WWP2: variants seen among roughly 807,000 people sequenced by gnomAD.
The protein encoded by WWP2 is NEDD4-like E3 ubiquitin-protein ligase WWP2.
In WWP2, 57 loss-of-function variants were observed where a neutral mutation model predicts 121.0. The observed-to-expected ratio is 0.47, with a 90% CI of 0.38 to 0.59. The LOEUF is 0.59. WWP2 is among the 20% of genes least tolerant of loss of function. The pLI is 0.00. For synonymous variants in WWP2, 449 were observed against 441.3 expected (o/e 1.02, Z -0.22); for missense variants, 962 against 1,158.9 (o/e 0.83, Z 2.47).
chr16:69,813,922 AT>A lies in WWP2; in HGVS notation c.340+14630del, dbSNP rs2056443078. 2.0e-5 allele frequency among the ~76,000 whole-genome samples: 3 copies of A among 152,232 alleles called. No homozygotes were observed. In the South Asian group the frequency reaches 6.2e-4, roughly 31 times the overall value. ...AAATTTACTATGTGATAAAGATGGC[AT>A]TTAAAATCAGAAGAGAAAGGCAAAC... is the stretch of plus-strand genomic sequence containing the variant. On this transcript the variant is annotated intron_variant, in intron 4 of 23. Coordinates refer to ENST00000359154, the MANE Select transcript of WWP2 (RefSeq NM_001270454.2).
chr16:69,929,830 C>T (rs892729489), intron 12 of WWP2, among the ~76,000 whole-genome samples: 9 of 152,180 alleles, frequency 5.9e-5, no homozygotes, highest in Admixed American at 1.3e-4. Flanking sequence ...TTGAGGGCAT[C>T]CTGGTCTCCC....
In WWP2 at chr16:69,804,629, A is replaced by C. The variant is rs534583277; in HGVS notation, c.340+5334A>C. 1.2e-4 allele frequency among the ~76,000 whole-genome samples: 19 copies of C among 152,038 alleles called. 1 individual carries two copies. In the East Asian group the frequency reaches 2.9e-3, roughly 23 times the overall value. On this transcript the variant is annotated intron_variant, in intron 4 of 23. Coordinates refer to ENST00000359154, the MANE Select transcript of WWP2 (RefSeq NM_001270454.2). ...GCAGTTAAGTTTCTCTTTTTTTTCA[A>C]AGTCTTCATGCTTCTTTTCTTTGCA...
chr16:69,910,399 G>A (rs1597147151), intron 9 of WWP2: 1 of 979,640 alleles, frequency 1.0e-6, no homozygotes, highest in African/African-American at 1.8e-5. Flanking sequence ...AACAGCAGGA[G>A]CTCTGTGTAC....
At position 69,939,982 on chromosome 16, in the gene WWP2, C is replaced by T. The variant is rs1462533952; in HGVS notation, c.*42C>T. 2 of 1,547,138 alleles carry T rather than the reference C, an allele frequency of 1.3e-6. No individual in the cohort carries two copies. The highest frequency in any genetic ancestry group is 1.8e-6 in the Non-Finnish European group (2 of 1,131,470). ...CACGCCCCCCAGCGCACATGTAGTC[C>T]TGAGTCCTCCCTGCCTGAGAGGCCA... On this transcript the variant is annotated 3_prime_UTR_variant, in exon 24 of 24. Coordinates refer to ENST00000359154, the MANE Select transcript of WWP2 (RefSeq NM_001270454.2).
rs966711134 is a variant in WWP2 at position 69,909,423 on chromosome 16, A to G, written c.1004+573A>G. 3 of 985,622 alleles carry G rather than the reference A, an allele frequency of 3.0e-6. No individual in the cohort carries two copies. In the African/African-American group the frequency reaches 5.2e-5, roughly 17 times the overall value. 61.1% of individuals were successfully genotyped at this position (985,622 alleles called of 1,614,324 possible). On this transcript the variant is annotated intron_variant, in intron 9 of 23. Coordinates refer to ENST00000359154, the MANE Select transcript of WWP2 (RefSeq NM_001270454.2). The stretch of plus-strand genomic sequence containing the variant: ...CCCCTGCCCTGAGTTTGTGGAGGGA[A>G]AGGCTGTCGGAAGTAGGGACTCTTA...
At chr16:69,828,574 A>G (rs2056743769) in intron 4 of WWP2, among the ~76,000 whole-genome samples, 1 of 152,130 alleles carries the variant, frequency 6.6e-6, no homozygotes, top group Admixed American at 6.6e-5. Context: ...CATGTTGGTC[A>G]GGCTGGTCTT....
intron 4 of WWP2, among the ~76,000 whole-genome samples, chr16:69,827,591 T>A (rs1221260318): frequency 6.6e-6 from 1 of 152,260 alleles, no homozygotes; most frequent in Non-Finnish European, 1.5e-5. Flanking sequence ...CTAAGAGGAC[T>A]CCTACATTTT....
intron 8 of WWP2, among the ~76,000 whole-genome samples, chr16:69,890,635 A>G (rs1326361536): frequency 1.3e-5 from 2 of 152,082 alleles, no homozygotes; most frequent in Non-Finnish European, 1.5e-5. Flanking sequence ...CGCTGAGCGA[A>G]TGCCTGGAAG....
chr16:69,826,956 G>A (rs377213284), intron 4 of WWP2, among the ~76,000 whole-genome samples: 329 of 17,360 alleles, frequency 0.019, 8 homozygotes, highest in African/African-American at 0.028. Flanking sequence ...AAAAAAAAAG[G>A]GGGGGGGGCG....
At chr16:69,866,304 TTATTTATTTATTTATG>T (rs1329231957) in intron 6 of WWP2, among the ~76,000 whole-genome samples, 2 of 132,622 alleles carry the variant, frequency 1.5e-5, no homozygotes, top group Admixed American at 1.5e-4. Context: ...ATTTATTTAT[TTATTTATTTATTTATG>T]GAGACGGAGT....
At chr16:69,861,401 G>T (rs1226930190) in intron 6 of WWP2, among the ~76,000 whole-genome samples, 1 of 152,166 alleles carries the variant, frequency 6.6e-6, no homozygotes, top group Admixed American at 6.5e-5. Flanking sequence ...TGCCACCTTT[G>T]AGAAGGTTGC....
At chr16:69,861,496 T>G (rs2057419786) in intron 6 of WWP2, among the ~76,000 whole-genome samples, 2 of 152,282 alleles carry the variant, frequency 1.3e-5, no homozygotes, top group South Asian at 4.1e-4. Context: ...AGCGATTTTA[T>G]TTTTACCTTC....
chr16:69,836,642 G>T (rs150801833), intron 4 of WWP2, among the ~76,000 whole-genome samples: 218 of 152,138 alleles, frequency 1.4e-3, no homozygotes, highest in Non-Finnish European at 2.5e-3. Context: ...ACAGGGTCTC[G>T]CTCTGTCACA....
rs376111389 is a variant in WWP2 at position 69,861,111 on chromosome 16, G to A, written c.576-10693G>A. On this transcript the variant is annotated intron_variant, in intron 6 of 23. Transcript: ENST00000359154. ...TGATGGGGATGCTCATCTCCTAAGC[G>A]GCAACAGTGTCCTATGCACTCATAA... is the stretch of plus-strand genomic sequence containing the variant. Among the ~76,000 whole-genome samples, 7 of 152,274 alleles carry A rather than the reference G, an allele frequency of 4.6e-5. No individual in the cohort carries two copies. The East Asian group carries it at 5.8e-4, about 13-fold the overall frequency.
intron 11 of WWP2, among the ~76,000 whole-genome samples, chr16:69,928,911 G>A (rs902286327): frequency 3.9e-5 from 6 of 152,220 alleles, no homozygotes; most frequent in African/African-American, 1.4e-4. Context: ...GGAGAACTTG[G>A]AGGGTACAGG....
chr16:69,822,050 A>G (rs572122757), intron 4 of WWP2, among the ~76,000 whole-genome samples: 1 of 151,848 alleles, frequency 6.6e-6, no homozygotes, highest in South Asian at 2.1e-4. Context: ...TATTTTTTGT[A>G]GAGACAGGGT....
In WWP2 at chr16:69,937,041, C is replaced by T. The variant is rs772153969; in HGVS notation, c.2118-77C>T. 4.5e-5 allele frequency: 70 copies of T among 1,554,898 alleles called. No homozygotes were observed. Among genetic ancestry groups the T allele is most frequent in the Non-Finnish European group, 5.1e-5 (59 of 1,148,478 alleles). On this transcript the variant is annotated intron_variant, in intron 19 of 23. Coordinates refer to ENST00000359154, the MANE Select transcript of WWP2 (RefSeq NM_001270454.2). The surrounding 1 kb of genome is among the most constrained non-coding windows in gnomAD (Gnocchi z 6.6). ...CTGATCTGGTGGTCCTGCGCGGTAA[C>T]GGCCACGCGGCCTGGCCGGGAGCCA... is the stretch of plus-strand genomic sequence containing the variant.
At chr16:69,876,985 C>T (rs1042069842) in intron 7 of WWP2, among the ~76,000 whole-genome samples, 1 of 151,994 alleles carries the variant, frequency 6.6e-6, no homozygotes, top group African/African-American at 2.4e-5. Context: ...TGATAAGGGC[C>T]CTAGGATTTT....
At position 69,776,551 on chromosome 16, in the gene WWP2, C is replaced by T. The variant is rs149808755; in HGVS notation, c.-15-10445C>T. 1.1e-3 allele frequency among the ~76,000 whole-genome samples: 173 copies of T among 152,192 alleles called. 1 individual carries two copies. Among genetic ancestry groups the T allele is most frequent in the Middle Eastern group, 6.8e-3 (2 of 294 alleles). ...TTCTTAACTTATAATGATAATAGGCCGGGCGCAGTGGCTTACGCCTGTAAT... is the reference window on the plus strand; with the variant it reads ...TTCTTAACTTATAATGATAATAGGCTGGGCGCAGTGGCTTACGCCTGTAAT... On this transcript the variant is annotated intron_variant, in intron 1 of 23. Coordinates refer to ENST00000359154, the MANE Select transcript of WWP2 (RefSeq NM_001270454.2).
Sources: gnomAD v4.1 joint callset for allele counts (sites outside exome capture counted in the v4.1 genomes callset) on GRCh38, gnomAD v4.1.1 for gene constraint, Gnocchi (gnomAD v3.1) non-coding constraint, MANE v1.5 for transcripts, NCBI Gene and HGNC (gene_info 2026-07-23, HGNC 2026-07-21) for gene names.